The following TTC27 variants were observed in gnomAD, a reference collection of about 807,000 sequenced individuals.
TTC27 encodes tetratricopeptide repeat protein 27.
TTC27 carries 79 observed loss-of-function variants against 115.9 expected under a neutral mutation model. That is an observed-to-expected ratio of 0.68 (90% confidence interval 0.57 to 0.82). The LOEUF is 0.82. Among genes scored for constraint, TTC27 ranks in the 40% least tolerant of loss-of-function variants. The pLI is 0.00. For missense variants in TTC27, 1,054 were observed against 993.1 expected, an observed-to-expected ratio of 1.06 and a Z score of -0.82; for synonymous variants, 401 against 356.0, an observed-to-expected ratio of 1.13 and a Z score of -1.42.
intron 3 of TTC27, among the ~76,000 whole-genome samples, chr2:32,636,418 T>G (rs1223968303): frequency 6.6e-6 from 1 of 152,180 alleles, no homozygotes; most frequent in Non-Finnish European, 1.5e-5. Context: ...TTCACCATGT[T>G]GGCCAGGGTG....
At chr2:32,766,830 G>C (rs1183560725) in intron 13 of TTC27, among the ~76,000 whole-genome samples, 4 of 152,006 alleles carry the variant, frequency 2.6e-5, no homozygotes, top group African/African-American at 9.7e-5. Flanking sequence ...CTGTCACTCA[G>C]GCTGGAGTGC....
intron 12 of TTC27, among the ~76,000 whole-genome samples, chr2:32,755,279 C>G (rs1338393123): frequency 6.6e-6 from 1 of 152,174 alleles, no homozygotes. Context: ...CCACTGCACT[C>G]CAGCCTGGGC....
At chr2:32,686,489 A>G (rs1046890071) in intron 9 of TTC27, among the ~76,000 whole-genome samples, 3 of 135,932 alleles carry the variant, frequency 2.2e-5, no homozygotes, top group African/African-American at 7.5e-5. Context: ...CCTTCTGAGT[A>G]GCTGGGACTA....
chr2:32,809,219 G>A (rs924836833), intron 16 of TTC27, among the ~76,000 whole-genome samples: 1 of 152,212 alleles, frequency 6.6e-6, no homozygotes, highest in South Asian at 2.1e-4. Flanking sequence ...GGAGGAGACA[G>A]CAAGATCTCA....
intron 13 of TTC27, among the ~76,000 whole-genome samples, chr2:32,760,237 C>T (rs1669389302): frequency 6.6e-6 from 1 of 152,180 alleles, no homozygotes. Flanking sequence ...GAGAGTAGGA[C>T]AGGTGTAAGT....
At chr2:32,640,523 C>G (rs1664602950) in intron 4 of TTC27, 113 bp downstream of exon 4, 1 of 1,102,508 alleles carries the variant, frequency 9.1e-7, no homozygotes, top group African/African-American at 1.6e-5. Context: ...TCTAAGTCTT[C>G]TAGGTATGTA....
chr2:32,696,139 AT>A (rs1292428636), intron 9 of TTC27, among the ~76,000 whole-genome samples: 5 of 150,934 alleles, frequency 3.3e-5, no homozygotes, highest in Admixed American at 6.6e-5. Context: ...AAAAAAAAAA[AT>A]AATTGTTCTT....
chr2:32,755,859 C>A (rs1353483051), intron 12 of TTC27, among the ~76,000 whole-genome samples: 3 of 152,198 alleles, frequency 2.0e-5, no homozygotes, highest in Non-Finnish European at 4.4e-5. Context: ...TGGAAACAGC[C>A]AACTTACCTC....
chr2:32,749,147 C>T (rs1473217576), intron 12 of TTC27, among the ~76,000 whole-genome samples: 2 of 152,056 alleles, frequency 1.3e-5, no homozygotes, highest in African/African-American at 4.8e-5. Context: ...ATTTGTTTGC[C>T]CCAACTGTTA....
intron 8 of TTC27, among the ~76,000 whole-genome samples, chr2:32,678,297 A>T (rs1034168324): frequency 6.6e-6 from 1 of 151,768 alleles, no homozygotes; most frequent in Non-Finnish European, 1.5e-5. Context: ...GACATTTAGT[A>T]CACCAATCGC....
chr2:32,729,444 T>C (rs186812664), intron 10 of TTC27, among the ~76,000 whole-genome samples: 29 of 152,344 alleles, frequency 1.9e-4, no homozygotes, highest in Non-Finnish European at 1.3e-4. Flanking sequence ...GAGATATCCC[T>C]TGACCTGTGA....
Position 32,820,999 on chromosome 2 carries a change from A to G in TTC27, c.*61A>G. On this transcript the variant is annotated 3_prime_UTR_variant, in exon 20 of 20. Transcript: ENST00000317907. ...ACCTGCTGGTAAAAGATACATCTGT[A>G]TATCTGAAATGCAAGATATTGATTT... is the stretch of plus-strand genomic sequence containing the variant. 7.4e-7 allele frequency: 1 copy of G among 1,348,280 alleles called. No homozygotes were observed. The highest frequency in any genetic ancestry group is 9.7e-7 in the Non-Finnish European group (1 of 1,031,262). The allele number at this position is 1,348,280 out of a possible 1,614,324, so 83.5% of individuals were successfully genotyped here. A position where few individuals can be genotyped will look rare whatever the true frequency, so the allele number is the denominator to read the frequency against.
At position 32,758,666 on chromosome 2, in the gene TTC27, C is replaced by T. The variant is rs1382917096; in HGVS notation, c.1680+147C>T. Reference sequence around the variant, plus strand: ...AACTTAGTCTCTAATAGACTTTTTGCTTGTTGCAAACTTGCTTGTTGCAAA... The same window carrying T: ...AACTTAGTCTCTAATAGACTTTTTGTTTGTTGCAAACTTGCTTGTTGCAAA... On this transcript the variant is annotated intron_variant, in intron 13 of 19. Coordinates refer to ENST00000317907, the MANE Select transcript of TTC27 (RefSeq NM_017735.5). 7 of 711,702 alleles carry T rather than the reference C, an allele frequency of 9.8e-6. No homozygotes were observed. The Admixed American group carries it at 2.3e-4, about 23-fold the overall frequency. The allele number at this position is 711,702 out of a possible 1,614,324, so 44.1% of individuals were successfully genotyped here.
At chr2:32,713,997 A>G (rs1667669960) in intron 10 of TTC27, among the ~76,000 whole-genome samples, 1 of 151,674 alleles carries the variant, frequency 6.6e-6, no homozygotes, top group Non-Finnish European at 1.5e-5. Flanking sequence ...TTAGCTCCCA[A>G]TTATAAGTGA....
intron 6 of TTC27, among the ~76,000 whole-genome samples, chr2:32,666,155 G>A (rs1665766888): frequency 6.6e-6 from 1 of 152,032 alleles, no homozygotes; most frequent in South Asian, 2.1e-4. Context: ...GAGACATAAT[G>A]AAAAAATTTT....
intron 16 of TTC27, among the ~76,000 whole-genome samples, chr2:32,806,523 T>A (rs951690441): frequency 3.3e-5 from 5 of 152,154 alleles, no homozygotes; most frequent in African/African-American, 9.7e-5. Context: ...TAATGGTTTT[T>A]AAAAATAATT....
chr2:32,646,210 A>G (rs1016525142), intron 4 of TTC27, among the ~76,000 whole-genome samples: 1 of 150,982 alleles, frequency 6.6e-6, no homozygotes, highest in African/African-American at 2.4e-5. Flanking sequence ...TTGCATTTTT[A>G]GTAGAGACGG....
chr2:32,702,984 A>G (rs1667242374), intron 10 of TTC27, 64 bp downstream of exon 10: 4 of 1,102,056 alleles, frequency 3.6e-6, no homozygotes, highest in Middle Eastern at 2.0e-4. Context: ...GTAAGCATAC[A>G]TGTTTGCTAT....
chr2:32,756,746 A>G (rs1191284980), intron 12 of TTC27, among the ~76,000 whole-genome samples: 1 of 152,220 alleles, frequency 6.6e-6, no homozygotes, highest in Non-Finnish European at 1.5e-5. Flanking sequence ...TTTCCTGGAT[A>G]TGTACATCCA....
Sources: allele counts gnomAD v4.1 joint callset (sites outside exome capture counted in the v4.1 genomes callset), GRCh38; gene constraint gnomAD v4.1.1; transcripts MANE v1.5; gene names NCBI Gene and HGNC (gene_info 2026-07-23, HGNC 2026-07-21).